Variants in ATRNL1 observed in about 807,000 individuals in gnomAD.
ATRNL1 encodes attractin like 1, also known as attractin-like protein 1.
In ATRNL1, 95 loss-of-function variants were observed where a neutral mutation model predicts 182.7. The observed-to-expected ratio is 0.52, with a 90% CI of 0.44 to 0.62. The LOEUF is 0.62. Ranked by LOEUF, ATRNL1 falls within the 20% of genes least tolerant of loss-of-function variation. The pLI is 0.00. For missense variants in ATRNL1, 1,471 were observed against 1,679.5 expected, an observed-to-expected ratio of 0.88 and a Z score of 2.17; for synonymous variants, 576 against 568.3, an observed-to-expected ratio of 1.01 and a Z score of -0.19.
chr10:115,475,573 A>G (rs1273196055), intron 24 of ATRNL1, among the ~76,000 whole-genome samples: 1 of 151,396 alleles, frequency 6.6e-6, no homozygotes, highest in Non-Finnish European at 1.5e-5. Flanking sequence ...TTGTGGTTTC[A>G]ATCAAGTTAT....
chr10:115,408,069 T>G lies in ATRNL1; in HGVS notation c.3269+13317T>G, dbSNP rs571620504. ...CGGACTGCGGACTGCAGTGGCGCAA[T>G]CTCGGCTCACTGCAAGCTCCGCTTC... On this transcript the variant is annotated intron_variant, in intron 20 of 28. Transcript: ENST00000355044. 1.3e-3 allele frequency among the ~76,000 whole-genome samples: 183 copies of G among 138,328 alleles called. 1 individual carries two copies. The highest frequency in any genetic ancestry group is 2.5e-3 in the Non-Finnish European group (166 of 65,340). 90.7% of individuals were successfully genotyped at this position (138,328 alleles called of 152,430 possible). A position where few individuals can be genotyped will look rare whatever the true frequency, so the allele number is the denominator to read the frequency against.
chr10:115,566,665 A>G (rs1854094174), intron 26 of ATRNL1, among the ~76,000 whole-genome samples: 1 of 152,168 alleles, frequency 6.6e-6, no homozygotes, highest in Non-Finnish European at 1.5e-5. Flanking sequence ...ACTTTAGGTT[A>G]CTTTATCAGT....
chr10:115,816,803 A>T (rs1950176427), intron 27 of ATRNL1, among the ~76,000 whole-genome samples: 1 of 152,114 alleles, frequency 6.6e-6, no homozygotes, highest in African/African-American at 2.4e-5. Context: ...ACTGTGAGGA[A>T]TGGGAGAAAG....
At chr10:115,291,605 A>C (rs782390535) in intron 15 of ATRNL1, among the ~76,000 whole-genome samples, 8 of 152,112 alleles carry the variant, frequency 5.3e-5, no homozygotes, top group Admixed American at 1.3e-4. Flanking sequence ...CTTTTGCTGC[A>C]TCTATTGAGA....
At chr10:115,115,542 GATGAA>G (rs1388737569) in intron 1 of ATRNL1, among the ~76,000 whole-genome samples, 3 of 152,064 alleles carry the variant, frequency 2.0e-5, no homozygotes, top group African/African-American at 7.2e-5. Flanking sequence ...TGTCAATAAA[GATGAA>G]ATGAAAATAA....
At chr10:115,105,014 T>G (rs1843942055) in intron 1 of ATRNL1, among the ~76,000 whole-genome samples, 1 of 152,220 alleles carries the variant, frequency 6.6e-6, no homozygotes, top group South Asian at 2.1e-4. Flanking sequence ...CTCTTTTTGC[T>G]TAGAATGGCT....
intron 28 of ATRNL1, among the ~76,000 whole-genome samples, chr10:115,870,237 A>C (rs550353039): frequency 6.6e-6 from 1 of 152,392 alleles, no homozygotes; most frequent in African/African-American, 2.4e-5. Flanking sequence ...TCCCTAAGGA[A>C]AATGGCAGTG....
chr10:115,596,745 A>G (rs1322644736), intron 26 of ATRNL1, among the ~76,000 whole-genome samples: 1 of 152,172 alleles, frequency 6.6e-6, no homozygotes, highest in African/African-American at 2.4e-5. Context: ...GTAGAAATAT[A>G]CTTTGTTAAG....
intron 28 of ATRNL1, among the ~76,000 whole-genome samples, chr10:115,871,479 G>GTATA (rs35917074): frequency 1.5e-4 from 20 of 133,810 alleles, no homozygotes; most frequent in African/African-American, 6.4e-4. Context: ...TTGTGTGTGT[G>GTATA]TATATATATA....
chr10:115,713,466 T>TGTG (rs1565310421), intron 26 of ATRNL1, among the ~76,000 whole-genome samples: 1 of 151,816 alleles, frequency 6.6e-6, no homozygotes, highest in African/African-American at 2.4e-5. Context: ...TGTGTGTGTG[T>TGTG]TTGTGTGTGT....
chr10:115,113,091 A>G (rs1844327714), intron 1 of ATRNL1, among the ~76,000 whole-genome samples: 1 of 152,200 alleles, frequency 6.6e-6, no homozygotes, highest in South Asian at 2.1e-4. Flanking sequence ...CAGGAGGTAG[A>G]AGGGGTTCAA....
At chr10:115,241,489 A>G (rs1002050827) in intron 9 of ATRNL1, 82 bp from the exon 10 acceptor site, 176 of 927,778 alleles carry the variant, frequency 1.9e-4, no homozygotes, top group Non-Finnish European at 2.6e-4. Flanking sequence ...TCTATATGCA[A>G]AGTAGACCCT....
intron 8 of ATRNL1, among the ~76,000 whole-genome samples, chr10:115,203,710 G>A (rs1156966575): frequency 6.7e-6 from 1 of 148,490 alleles, no homozygotes; most frequent in African/African-American, 2.5e-5. Flanking sequence ...CTCCTGAGTA[G>A]CTGGGACTGC....
intron 27 of ATRNL1, among the ~76,000 whole-genome samples, chr10:115,781,911 T>C (rs1364158944): frequency 2.0e-5 from 3 of 152,206 alleles, no homozygotes; most frequent in East Asian, 3.8e-4. Flanking sequence ...AGCTGTTATA[T>C]AGTAGCAACT....
At chr10:115,734,015 A>G (rs1947877258) in intron 27 of ATRNL1, among the ~76,000 whole-genome samples, 1 of 152,148 alleles carries the variant, frequency 6.6e-6, no homozygotes, top group Admixed American at 6.5e-5. Context: ...TTTTCTCAGT[A>G]TTAGAATAAG....
At chr10:115,260,657 A>G (rs1406055909) in intron 10 of ATRNL1, among the ~76,000 whole-genome samples, 1 of 152,204 alleles carries the variant, frequency 6.6e-6, no homozygotes. Flanking sequence ...AGGAGATTAT[A>G]AGTTAAATCT....
chr10:115,216,044 G>A (rs1849217902), intron 9 of ATRNL1, among the ~76,000 whole-genome samples, 164 bp downstream of exon 9: 1 of 152,028 alleles, frequency 6.6e-6, no homozygotes, highest in East Asian at 1.9e-4. Flanking sequence ...GTATGACTTC[G>A]ATATCATCTG....
chr10:115,310,078 A>G (rs1457995264), intron 17 of ATRNL1, among the ~76,000 whole-genome samples: 1 of 152,136 alleles, frequency 6.6e-6, no homozygotes, highest in Non-Finnish European at 1.5e-5. Flanking sequence ...CTGGATTTTA[A>G]TGAATGCTTT....
Position 115,171,199 on chromosome 10 carries a change from A to AT in ATRNL1, c.1256dup (p.Met419IlefsTer5). ...TGTGGAGGGACATTCAGCACATATT[A>AT]TGGAGTTGGATAGTAGAGATGTTGT... On this transcript the variant is annotated frameshift_variant, in exon 8 of 29. Transcript: ENST00000355044. LOFTEE classifies it high-confidence loss of function. 6.2e-7 allele frequency: 1 copy of AT among 1,611,046 alleles called. No individual in the cohort carries two copies. The highest frequency in any genetic ancestry group is 8.5e-7 in the Non-Finnish European group (1 of 1,178,034).
Sources: allele counts gnomAD v4.1 joint callset (sites outside exome capture counted in the v4.1 genomes callset), GRCh38; gene constraint gnomAD v4.1.1; transcripts MANE v1.5; gene names NCBI Gene and HGNC (gene_info 2026-07-23, HGNC 2026-07-21).